The following RASGEF1B variants were observed in gnomAD, a reference collection of about 807,000 sequenced individuals.
The protein encoded by RASGEF1B is RasGEF domain family member 1B.
Under a neutral mutation model 65.7 loss-of-function variants are expected in RASGEF1B, and 30 were observed. That is an observed-to-expected ratio of 0.46 (90% CI 0.34 to 0.62). The LOEUF is 0.62. RASGEF1B is among the 20% of genes least tolerant of loss of function. The pLI, the probability that RASGEF1B is intolerant of heterozygous loss-of-function variation, is 0.01. For synonymous variants in RASGEF1B, 175 were observed against 194.8 expected, an observed-to-expected ratio of 0.90 and a Z score of 0.85; for missense variants, 495 against 580.1, an observed-to-expected ratio of 0.85 and a Z score of 1.51.
chr4:81,435,140 G>C (rs1405642027), intron 10 of RASGEF1B, among the ~76,000 whole-genome samples: 8 of 151,984 alleles, frequency 5.3e-5, no homozygotes, highest in African/African-American at 1.9e-4. Flanking sequence ...GGCCGGGCAC[G>C]GTGGCTCACG....
chr4:81,457,546 G>C lies in RASGEF1B; in HGVS notation c.253C>G (p.His85Asp), dbSNP rs542611085. 1 of 1,614,026 alleles carries C rather than the reference G, an allele frequency of 6.2e-7. No individual in the cohort carries two copies. Among genetic ancestry groups the C allele is most frequent in the African/African-American group, 1.3e-5 (1 of 75,020 alleles). ...AGTCTCTGGTGCTCAACACATAAGT[G>C]GCAAACTTTGGCCATTAGCTCATAC... The part of the protein sequence containing the change: ...HPYELMAKVC[H>D]LCVEHQRLSD... The change falls in exon 3 of 14, where the codon CAC becomes GAC. Residue 85 changes from histidine (H) to aspartate (D), a missense_variant. His to Asp is a moderately conservative substitution (Grantham distance 81, BLOSUM62 -1). Transcript: ENST00000264400.
rs17005139 is a variant in RASGEF1B, at chr4:81,432,192, G to A, written c.1397+107C>T. The A allele has an allele frequency of 4.6e-6, 3 of 656,924 alleles. No individual in the cohort carries two copies. The Admixed American group carries it at 7.8e-5, about 17-fold the overall frequency. 40.7% of individuals were successfully genotyped at this position (656,924 alleles called of 1,614,324 possible). ...TGGTGTACAAGAGATAAAGTGCAGA[G>A]GACTTGGAACAGATAGACAGCAGCT... is the stretch of plus-strand genomic sequence containing the variant. On this transcript the variant is annotated intron_variant, in intron 13 of 13. Transcript: ENST00000264400.
chr4:81,469,883 C>T (rs374722552), intron 1 of RASGEF1B, among the ~76,000 whole-genome samples: 1 of 152,098 alleles, frequency 6.6e-6, no homozygotes, highest in African/African-American at 2.4e-5. Context: ...TGTAACACTT[C>T]GTTAGACAAC....
At chr4:81,463,852 GA>G (rs1722723971) in intron 1 of RASGEF1B, among the ~76,000 whole-genome samples, 1 of 152,138 alleles carries the variant, frequency 6.6e-6, no homozygotes, top group South Asian at 2.1e-4. Context: ...ATTGAAAAGT[GA>G]GGCCCAAAAG....
At chr4:81,470,690 A>G (rs1245640908) in intron 1 of RASGEF1B, among the ~76,000 whole-genome samples, 4 of 152,196 alleles carry the variant, frequency 2.6e-5, no homozygotes, top group African/African-American at 9.7e-5. Flanking sequence ...TATATACACC[A>G]TATCCACCGA....
Position 81,456,710 on chromosome 4 carries a change from C to T in RASGEF1B, c.379G>A (p.Asp127Asn). 6.2e-7 allele frequency: 1 copy of T among 1,614,194 alleles called. No homozygotes were observed. The highest frequency in any genetic ancestry group is 8.5e-7 in the Non-Finnish European group (1 of 1,180,010). The change falls in exon 4 of 14, where the codon GAT (aspartate) becomes AAT (asparagine). Residue 127 changes from aspartate to asparagine, a missense_variant. By Grantham distance (23) the Asp-to-Asn change is conservative. Transcript: ENST00000264400. Reference sequence around the variant, plus strand: ...TTTAAGTTTCTCATCATTCTTTCATCCCGAAAATCATAGGGAAATGTTTCC... The same window carrying T: ...TTTAAGTTTCTCATCATTCTTTCATTCCGAAAATCATAGGGAAATGTTTCC... ...WTETFPYDFR[D>N]ERMMRNLKDL... is the part of the protein sequence containing the mutation.
chr4:81,464,298 T>C (rs1364840657), intron 1 of RASGEF1B, among the ~76,000 whole-genome samples: 1 of 152,170 alleles, frequency 6.6e-6, no homozygotes, highest in African/African-American at 2.4e-5. Context: ...AAACTGACTC[T>C]TCTCCAAAAT....
chr4:81,460,407 T>C (rs538219769), intron 1 of RASGEF1B, among the ~76,000 whole-genome samples: 9 of 152,292 alleles, frequency 5.9e-5, no homozygotes, highest in African/African-American at 2.2e-4. Flanking sequence ...AATGGAGGCA[T>C]TGAAGAGCTG....
chr4:81,438,908 C>T (rs1226755108), intron 10 of RASGEF1B, among the ~76,000 whole-genome samples: 1 of 152,052 alleles, frequency 6.6e-6, no homozygotes, highest in Non-Finnish European at 1.5e-5. Context: ...GATCTCATTC[C>T]TTTTTATGGC....
chr4:81,442,385 T>C lies in RASGEF1B; in HGVS notation c.929-9A>G. 2 of 1,590,006 alleles carry C rather than the reference T, an allele frequency of 1.3e-6. No individual in the cohort carries two copies. The highest frequency in any genetic ancestry group is 8.6e-7 in the Non-Finnish European group (1 of 1,159,054). On this transcript the variant is annotated splice_polypyrimidine_tract_variant and intron_variant, in intron 8 of 13. Coordinates refer to ENST00000264400, the MANE Select transcript of RASGEF1B (RefSeq NM_152545.3). ...GCTCATATTCATACCAGCTTCCCAT[T>C]TGAAATGGAGGGGGAGAAAAAAGGA...
Position 81,459,520 on chromosome 4 carries a change from A to G in RASGEF1B, c.-6-6T>C, listed in dbSNP as rs1184647450. The stretch of plus-strand genomic sequence containing the variant: ...GGAGTCTGAGGCATACTTTCCTAAA[A>G]GGAATAAAAAAGAAGAAAAAATAAT... On this transcript the variant is annotated splice_region_variant and splice_polypyrimidine_tract_variant and intron_variant, in intron 1 of 13. Transcript: ENST00000264400. 4 of 1,553,576 alleles carry G rather than the reference A, an allele frequency of 2.6e-6. No individual in the cohort carries two copies. The African/African-American group carries it at 5.5e-5, about 22-fold the overall frequency.
intron 1 of RASGEF1B, among the ~76,000 whole-genome samples, chr4:81,461,658 G>A (rs1478303977): frequency 6.6e-6 from 1 of 152,182 alleles, no homozygotes; most frequent in Admixed American, 6.5e-5. Flanking sequence ...ATCAATTAAA[G>A]TGGTGGTCTA....
At chr4:81,439,753 T>C (rs1721771529) in intron 10 of RASGEF1B, among the ~76,000 whole-genome samples, 3 of 152,196 alleles carry the variant, frequency 2.0e-5, no homozygotes, top group Admixed American at 6.5e-5. Flanking sequence ...AGTACTGGGA[T>C]TGAGCAAGTA....
rs1722641474 is a variant in RASGEF1B at position 81,461,475 on chromosome 4, T to C, written c.-6-1961A>G. ...CACACATTTTCCTTCATTGGAGCAC[T>C]TACTCATTGCTAGCGCAACCATTCT... On this transcript the variant is annotated intron_variant, in intron 1 of 13. Coordinates refer to ENST00000264400, the MANE Select transcript of RASGEF1B (RefSeq NM_152545.3). Among the ~76,000 whole-genome samples, 5 of 152,320 alleles carry C rather than the reference T, an allele frequency of 3.3e-5. No individual in the cohort carries two copies. In the South Asian group the frequency reaches 1.0e-3, roughly 32 times the overall value.
chr4:81,445,868 T>G, intron 6 of RASGEF1B, 30 bp from the exon 7 acceptor site: 2 of 1,551,658 alleles, frequency 1.3e-6, no homozygotes, highest in Non-Finnish European at 1.8e-6. Context: ...AACAGATGAG[T>G]TAGAGGAAAA....
At chr4:81,449,006 G>T (rs548044275) in intron 4 of RASGEF1B, among the ~76,000 whole-genome samples, 2 of 152,074 alleles carry the variant, frequency 1.3e-5, no homozygotes, top group African/African-American at 4.8e-5. Flanking sequence ...TAGAGATGGG[G>T]TTTCACTATG....
chr4:81,442,127 AC>A (rs1279938600), intron 9 of RASGEF1B, among the ~76,000 whole-genome samples, 169 bp downstream of exon 9: 2 of 152,096 alleles, frequency 1.3e-5, no homozygotes, highest in African/African-American at 4.8e-5. Context: ...CCAGTACATA[AC>A]CTGATTTATT....
Position 81,445,943 on chromosome 4 carries a change from A to C in RASGEF1B, c.730-105T>G. On this transcript the variant is annotated intron_variant, in intron 6 of 13. Transcript: ENST00000264400. ...TTTAGTCTCAGTTTATGGATTAGGA[A>C]AGCTTTTGAGAACAACAGAAAGAGA... is the stretch of plus-strand genomic sequence containing the variant. The C allele has an allele frequency of 3.9e-6, 3 of 772,102 alleles. No individual in the cohort carries two copies. The East Asian group carries it at 7.9e-5, about 20-fold the overall frequency. 47.8% of individuals were successfully genotyped at this position (772,102 alleles called of 1,614,324 possible).
chr4:81,441,403 A>C (rs1348822675), intron 9 of RASGEF1B, among the ~76,000 whole-genome samples: 1 of 152,120 alleles, frequency 6.6e-6, no homozygotes, highest in Non-Finnish European at 1.5e-5. Flanking sequence ...TTATATATAT[A>C]ATGGTAATTT....
Sources: allele counts gnomAD v4.1 joint callset (sites outside exome capture counted in the v4.1 genomes callset), GRCh38; gene constraint gnomAD v4.1.1; transcripts MANE v1.5; gene names NCBI Gene and HGNC (gene_info 2026-07-23, HGNC 2026-07-21).